The following EEPD1 variants were observed in gnomAD, a reference collection of about 807,000 sequenced individuals.
EEPD1 encodes endonuclease/exonuclease/phosphatase family domain-containing protein 1.
Under a neutral mutation model 46.3 loss-of-function variants are expected in EEPD1, and 17 were observed. That is an observed-to-expected ratio of 0.37 (90% confidence interval 0.25 to 0.55). EEPD1 has a LOEUF of 0.55. EEPD1 is among the 20% of genes least tolerant of loss of function. EEPD1 has a pLI of 0.83. For missense variants in EEPD1, 673 were observed against 745.6 expected, an observed-to-expected ratio of 0.90 and a Z score of 1.13; for synonymous variants, 313 against 315.6, an observed-to-expected ratio of 0.99 and a Z score of 0.09.
Position 36,299,323 on chromosome 7 carries a change from G to A in EEPD1, c.*117G>A, listed in dbSNP as rs1189805173. On this transcript the variant is annotated 3_prime_UTR_variant, in exon 8 of 8. Transcript: ENST00000242108. ...TTTAATTTTTATTCTCAGAGCATCAGCACTTGAGGCCTTGCCCCACGCCTT... is the reference window on the plus strand; with the variant it reads ...TTTAATTTTTATTCTCAGAGCATCAACACTTGAGGCCTTGCCCCACGCCTT... 2 of 1,231,588 alleles carry A rather than the reference G, an allele frequency of 1.6e-6. No homozygotes were observed. Among genetic ancestry groups the A allele is most frequent in the Non-Finnish European group, 2.2e-6 (2 of 893,146 alleles). The allele number at this position is 1,231,588 out of a possible 1,614,324, so 76.3% of individuals were successfully genotyped here.
intron 2 of EEPD1, among the ~76,000 whole-genome samples, chr7:36,166,172 C>A (rs1784978182): frequency 6.6e-6 from 1 of 152,178 alleles, no homozygotes; most frequent in Non-Finnish European, 1.5e-5. Flanking sequence ...TGTGGTATTA[C>A]AGTATACCTT....
intron 3 of EEPD1, among the ~76,000 whole-genome samples, chr7:36,257,516 C>T (rs1786845484): frequency 6.6e-6 from 1 of 151,862 alleles, no homozygotes; most frequent in African/African-American, 2.4e-5. Context: ...AGGCTTTGTT[C>T]GTTCCTTTTC....
intron 3 of EEPD1, among the ~76,000 whole-genome samples, chr7:36,258,751 T>C (rs1268581468): frequency 6.6e-6 from 1 of 152,158 alleles, no homozygotes; most frequent in African/African-American, 2.4e-5. Context: ...GATCTTAGCC[T>C]GCTGGGTTCC....
At chr7:36,202,053 A>G (rs971356389) in intron 2 of EEPD1, among the ~76,000 whole-genome samples, 4 of 152,200 alleles carry the variant, frequency 2.6e-5, no homozygotes, top group Admixed American at 2.0e-4. Flanking sequence ...CACGTGTGCA[A>G]GATTCCTGGG....
chr7:36,181,623 T>C (rs1583792132), intron 2 of EEPD1, among the ~76,000 whole-genome samples: 1 of 152,168 alleles, frequency 6.6e-6, no homozygotes, highest in African/African-American at 2.4e-5. Context: ...TACAGGGAAA[T>C]GTGGCAAGTG....
chr7:36,157,388 C>T (rs372843944), intron 2 of EEPD1, among the ~76,000 whole-genome samples: 8 of 152,358 alleles, frequency 5.3e-5, no homozygotes, highest in East Asian at 3.9e-4. Context: ...TGAGCAAAGA[C>T]GGCTGGCCTC....
chr7:36,298,832 C>T (rs1220085166), intron 7 of EEPD1, among the ~76,000 whole-genome samples, 175 bp from the exon 8 acceptor site: 2 of 152,208 alleles, frequency 1.3e-5, no homozygotes, highest in African/African-American at 4.8e-5. Flanking sequence ...TCAAACTGGC[C>T]GAGACCTTTA....
intron 6 of EEPD1, among the ~76,000 whole-genome samples, chr7:36,292,834 T>A (rs536957195): frequency 6.6e-6 from 1 of 152,330 alleles, no homozygotes; most frequent in East Asian, 1.9e-4. Flanking sequence ...GATATTCTCC[T>A]GTGTCAGGTT....
chr7:36,230,420 C>T (rs2115764392), intron 2 of EEPD1, among the ~76,000 whole-genome samples: 2 of 152,258 alleles, frequency 1.3e-5, no homozygotes, highest in East Asian at 3.9e-4. Flanking sequence ...GCAGGGCCAG[C>T]CCCACCTGTT....
At chr7:36,168,665 G>A (rs1785028663) in intron 2 of EEPD1, among the ~76,000 whole-genome samples, 2 of 111,354 alleles carry the variant, frequency 1.8e-5, no homozygotes, top group South Asian at 5.1e-4. Flanking sequence ...GGCTAAGGTG[G>A]GAGAAAGGCA....
intron 2 of EEPD1, among the ~76,000 whole-genome samples, chr7:36,186,766 A>G (rs1045391849): frequency 1.8e-4 from 27 of 152,264 alleles, no homozygotes; most frequent in South Asian, 1.2e-3. Flanking sequence ...CCACTAGGGT[A>G]TATGCAAAAT....
intron 2 of EEPD1, among the ~76,000 whole-genome samples, chr7:36,189,201 A>G (rs1389456066): frequency 2.0e-4 from 1 of 4,964 alleles, no homozygotes; most frequent in Non-Finnish European, 2.1e-3. Context: ...GGAGGGTACT[A>G]TCCAGCGCCT....
At chr7:36,277,129 A>AGTTTTGGGAGAAAGTTTTG (rs1169083214) in intron 3 of EEPD1, among the ~76,000 whole-genome samples, 1 of 152,260 alleles carries the variant, frequency 6.6e-6, no homozygotes, top group Non-Finnish European at 1.5e-5. Context: ...TTTGGGAGAA[A>AGTTTTGGGAGAAAGTTTTG]GGAGCCAAAG....
chr7:36,225,942 C>T lies in EEPD1; in HGVS notation c.879-13043C>T, dbSNP rs1786226335. The stretch of plus-strand genomic sequence containing the variant: ...CTTTCTTTAAAATTCATTTTAAAGA[C>T]ATGTCTTAGATGCTCAAGAGTTAAA... On this transcript the variant is annotated intron_variant, in intron 2 of 7. Coordinates refer to ENST00000242108, the MANE Select transcript of EEPD1 (RefSeq NM_030636.3). The surrounding 1 kb of genome is among the most constrained non-coding windows in gnomAD (Gnocchi z 4.2). Among the ~76,000 whole-genome samples, 1 of 152,154 alleles carries T rather than the reference C, an allele frequency of 6.6e-6. No homozygotes were observed. The highest frequency in any genetic ancestry group is 1.5e-5 in the Non-Finnish European group (1 of 68,026).
chr7:36,154,393 GTTCAGCGCAGCCTGTAAC>G lies in EEPD1; in HGVS notation c.76_93del (p.Ala26_Ser31del). 6.2e-7 allele frequency: 1 copy of G among 1,614,082 alleles called. No homozygotes were observed. Among genetic ancestry groups the G allele is most frequent in the Non-Finnish European group, 8.5e-7 (1 of 1,180,056 alleles). On this transcript the variant is annotated inframe_deletion, in exon 2 of 8. Transcript: ENST00000242108. This position sits in a 1 kb window ranked among gnomAD's most constrained non-coding sequence, Gnocchi z 4.2. The stretch of plus-strand genomic sequence containing the variant: ...CCTCGGACCTGTCCCATAGCCGCAA[GTTCAGCGCAGCCTGTAAC>G]TTCAGCAACATTCTAGTGAATCAGG...
chr7:36,253,833 G>A (rs936685253), intron 3 of EEPD1, among the ~76,000 whole-genome samples: 6 of 152,046 alleles, frequency 3.9e-5, no homozygotes, highest in African/African-American at 1.2e-4. Context: ...CATCTTAAAT[G>A]TGTCTCCTGT....
chr7:36,154,248 C>T lies in EEPD1; in HGVS notation c.-77C>T, dbSNP rs1240905664. The T allele has an allele frequency of 4.4e-5, 66 of 1,487,834 alleles. No individual in the cohort carries two copies. The highest frequency in any genetic ancestry group is 5.6e-5 in the Non-Finnish European group (63 of 1,121,472). The allele number at this position is 1,487,834 out of a possible 1,614,324, so 92.2% of individuals were successfully genotyped here. On this transcript the variant is annotated 5_prime_UTR_variant, in exon 2 of 8. Coordinates refer to ENST00000242108, the MANE Select transcript of EEPD1 (RefSeq NM_030636.3). This position sits in a 1 kb window ranked among gnomAD's most constrained non-coding sequence, Gnocchi z 4.2. ...CTTCCGTTTTTCTGTGCTTGTACGG[C>T]CTACTGGGCTTCCTCCCTAGCCAGA...
chr7:36,190,910 C>T (rs1013298351), intron 2 of EEPD1, among the ~76,000 whole-genome samples: 7 of 152,216 alleles, frequency 4.6e-5, no homozygotes, highest in African/African-American at 7.2e-5. Flanking sequence ...CCAGCACCCC[C>T]GGAATGCCCG....
At chr7:36,279,219 G>C (rs1787225039) in intron 3 of EEPD1, among the ~76,000 whole-genome samples, 1 of 152,136 alleles carries the variant, frequency 6.6e-6, no homozygotes. Context: ...AGCATCACTG[G>C]GTGCTGTGCT....
Sources: gnomAD v4.1 joint callset for allele counts (sites outside exome capture counted in the v4.1 genomes callset) on GRCh38, gnomAD v4.1.1 for gene constraint, Gnocchi (gnomAD v3.1) non-coding constraint, MANE v1.5 for transcripts, NCBI Gene and HGNC (gene_info 2026-07-23, HGNC 2026-07-21) for gene names.